DLG2: variants seen among roughly 807,000 people sequenced by gnomAD.
DLG2 encodes disks large homolog 2.
A neutral mutation model predicts 132.5 loss-of-function variants in DLG2; 45 were observed. The ratio of observed to expected loss-of-function variants is 0.34; its 90% confidence interval spans 0.27 to 0.44. The LOEUF (loss-of-function observed/expected upper bound fraction) is 0.44. DLG2 is among the 20% of genes least tolerant of loss of function. The pLI is 1.00. For synonymous variants in DLG2, 424 were observed against 419.6 expected (o/e 1.01, Z -0.13); for missense variants, 1,045 against 1,196.9 (o/e 0.87, Z 1.87).
At chr11:85,473,301 G>A (rs1332674465) in intron 3 of DLG2, among the ~76,000 whole-genome samples, 1 of 152,168 alleles carries the variant, frequency 6.6e-6, no homozygotes, top group Non-Finnish European at 1.5e-5. Flanking sequence ...GTCCCCAGCT[G>A]GCAAAACAGC....
At chr11:85,259,092 C>A (rs2076810893) in intron 4 of DLG2, among the ~76,000 whole-genome samples, 1 of 152,008 alleles carries the variant, frequency 6.6e-6, no homozygotes, top group African/African-American at 2.4e-5. Context: ...ATGTCCCCAC[C>A]CAAATCTCAT....
At chr11:83,841,470 TCTCTA>T (rs550268026) in intron 16 of DLG2, among the ~76,000 whole-genome samples, 7 of 152,328 alleles carry the variant, frequency 4.6e-5, no homozygotes, top group Admixed American at 4.6e-4. Flanking sequence ...CTCCTTAGTC[TCTCTA>T]CTCTAGGCTG....
At chr11:83,806,197 A>T (rs1042544095) in intron 17 of DLG2, among the ~76,000 whole-genome samples, 3 of 152,110 alleles carry the variant, frequency 2.0e-5, no homozygotes, top group African/African-American at 7.2e-5. Context: ...CAGCCCCACA[A>T]CCTGGCAGCA....
intron 15 of DLG2, among the ~76,000 whole-genome samples, chr11:83,923,729 G>A (rs1002452134): frequency 6.6e-6 from 1 of 151,980 alleles, no homozygotes; most frequent in South Asian, 2.1e-4. Context: ...TCCCTATCTC[G>A]ATAGTCTCAG....
At position 85,044,978 on chromosome 11, in the gene DLG2, C is replaced by G. The variant is rs551867913; in HGVS notation, c.357+66683G>C. 4.8e-4 allele frequency among the ~76,000 whole-genome samples: 73 copies of G among 152,082 alleles called. No homozygotes were observed. The South Asian group carries it at 6.0e-3, about 13-fold the overall frequency. On this transcript the variant is annotated intron_variant, in intron 6 of 27. Transcript: ENST00000376104. ...ATATAACTTCTGGCCTTTCTCTGCC[C>G]GTTAATTCATTTTGCTTTTCATGAG...
chr11:84,978,258 C>A (rs1334404941), intron 6 of DLG2, among the ~76,000 whole-genome samples: 2 of 152,086 alleles, frequency 1.3e-5, no homozygotes, highest in Admixed American at 1.3e-4. Context: ...CTAGGCTTTT[C>A]ATCCCCATCA....
intron 6 of DLG2, chr11:84,763,151 T>C (rs551000983): frequency 7.2e-5 from 11 of 152,290 alleles, no homozygotes; most frequent in African/African-American, 2.6e-4. Context: ...ATTTCCACAC[T>C]AGCAAGTGCC....
chr11:84,590,559 T>C (rs2099540341), intron 6 of DLG2, among the ~76,000 whole-genome samples: 1 of 152,202 alleles, frequency 6.6e-6, no homozygotes, highest in Admixed American at 6.5e-5. Context: ...ATTTACTTTC[T>C]ATCTTCTAGG....
At chr11:83,680,321 C>T (rs1355447792) in intron 18 of DLG2, among the ~76,000 whole-genome samples, 1 of 152,076 alleles carries the variant, frequency 6.6e-6, no homozygotes, top group African/African-American at 2.4e-5. Context: ...ATGTACAGTG[C>T]AGCTCAAAGG....
rs147258802 is a variant in DLG2 at position 84,101,128 on chromosome 11, C to T, written c.625-2081G>A. Among the ~76,000 whole-genome samples, 49 of 152,186 alleles carry T rather than the reference C, an allele frequency of 3.2e-4. 3 individuals carry two copies. The Middle Eastern group carries it at 0.034, about 106-fold the overall frequency. ...GGCACTAGACTAAGCCCTGGAGCTA[C>T]AGGAGTAAGTATGTCAGTTTATAAG... is the stretch of plus-strand genomic sequence containing the variant. On this transcript the variant is annotated intron_variant, in intron 9 of 27. Transcript: ENST00000376104.
At chr11:84,868,090 T>G (rs991007514) in intron 6 of DLG2, among the ~76,000 whole-genome samples, 1 of 148,244 alleles carries the variant, frequency 6.7e-6, no homozygotes, top group African/African-American at 2.4e-5. Context: ...ATAATAATTC[T>G]TATTAATAAT....
At chr11:83,493,522 C>T (rs1343526113) in intron 21 of DLG2, among the ~76,000 whole-genome samples, 1 of 152,018 alleles carries the variant, frequency 6.6e-6, no homozygotes, top group Admixed American at 6.6e-5. Context: ...CTCTCTGGTG[C>T]CTTAGAACAT....
intron 6 of DLG2, among the ~76,000 whole-genome samples, chr11:84,539,813 A>G (rs1264757830): frequency 6.6e-6 from 1 of 152,176 alleles, no homozygotes; most frequent in African/African-American, 2.4e-5. Flanking sequence ...ACTATACTAC[A>G]AGGCTACAGT....
chr11:84,089,171 A>G (rs548963316), intron 10 of DLG2, among the ~76,000 whole-genome samples: 117 of 152,264 alleles, frequency 7.7e-4, no homozygotes, highest in African/African-American at 2.7e-3. Context: ...CTTCCTAGAA[A>G]TCTTTCATTT....
intron 18 of DLG2, among the ~76,000 whole-genome samples, chr11:83,747,347 C>T (rs1032467334): frequency 4.0e-5 from 6 of 148,960 alleles, no homozygotes; most frequent in Admixed American, 4.0e-4. Context: ...TTCCTGCCTT[C>T]CTTCCTGCCT....
intron 7 of DLG2, among the ~76,000 whole-genome samples, chr11:84,506,041 T>G (rs1555634266): frequency 6.6e-6 from 1 of 151,652 alleles, no homozygotes; most frequent in Non-Finnish European, 1.5e-5. Flanking sequence ...TACGCTGGGT[T>G]ACACAGTTTG....
intron 15 of DLG2, among the ~76,000 whole-genome samples, chr11:83,901,469 GTT>G (rs2154099195): frequency 6.6e-6 from 1 of 152,230 alleles, no homozygotes; most frequent in East Asian, 1.9e-4. Context: ...TTCCTGTGCT[GTT>G]CTTGTGATAG....
chr11:84,465,088 A>G (rs1345330363), intron 7 of DLG2, among the ~76,000 whole-genome samples: 2 of 151,252 alleles, frequency 1.3e-5, no homozygotes, highest in Non-Finnish European at 3.0e-5. Context: ...AATTTAATTC[A>G]AATAATAAAC....
chr11:85,192,848 C>A (rs1241195615), intron 4 of DLG2, among the ~76,000 whole-genome samples: 1 of 152,284 alleles, frequency 6.6e-6, no homozygotes, highest in South Asian at 2.1e-4. Context: ...TCACTTCAAT[C>A]CACCCATGTT....
Sources: gnomAD v4.1 joint callset for allele counts (sites outside exome capture counted in the v4.1 genomes callset) on GRCh38, gnomAD v4.1.1 for gene constraint, MANE v1.5 for transcripts, NCBI Gene and HGNC (gene_info 2026-07-23, HGNC 2026-07-21) for gene names.